MYOF: variants seen among roughly 807,000 people sequenced by gnomAD.
MYOF encodes the protein myoferlin, also known as fer-1-like 3, myoferlin.
Under a neutral mutation model 284.2 loss-of-function variants are expected in MYOF, and 244 were observed. That is an observed-to-expected ratio of 0.86 (90% confidence interval 0.77 to 0.95). The LOEUF is 0.95. MYOF is among the 40% of genes least tolerant of loss of function. The pLI is 0.00. For missense variants in MYOF, 2,496 were observed against 2,560.6 expected (o/e 0.97, Z 0.54); for synonymous variants, 904 against 919.7 (o/e 0.98, Z 0.31).
intron 2 of MYOF, among the ~76,000 whole-genome samples, chr10:93,455,657 A>G (rs1437831391): frequency 6.6e-6 from 1 of 152,208 alleles, no homozygotes; most frequent in Non-Finnish European, 1.5e-5. Context: ...ACCCTATCTC[A>G]AAAACAAACA....
rs551552538 is a variant in MYOF at position 93,365,052 on chromosome 10, A to C, written c.2754-977T>G. ...AACCTTCCTTCCTTCCAGCCAATTC[A>C]AACCCCATTTTCCTTTCCCTCACCA... is the stretch of plus-strand genomic sequence containing the variant. On this transcript the variant is annotated intron_variant, in intron 26 of 53. Transcript: ENST00000359263. 5.3e-5 allele frequency among the ~76,000 whole-genome samples: 8 copies of C among 152,246 alleles called. No individual in the cohort carries two copies. In the South Asian group the frequency reaches 1.7e-3, roughly 32 times the overall value.
chr10:93,348,682 G>A (rs1424033059), intron 36 of MYOF, among the ~76,000 whole-genome samples: 2 of 152,038 alleles, frequency 1.3e-5, no homozygotes, highest in African/African-American at 4.8e-5. Flanking sequence ...ATAGGGAGGG[G>A]AGCATGGGCA....
Position 93,328,923 on chromosome 10 carries a change from A to G in MYOF, c.4983-12T>C, listed in dbSNP as rs750369293. 6.3e-6 allele frequency: 10 copies of G among 1,585,968 alleles called. No individual in the cohort carries two copies. In the Middle Eastern group the frequency reaches 1.1e-3, roughly 174 times the overall value. ...TATTGACTCCAGAACTGTGAATAGC[A>G]TCACGTGGCTCGGAGTTACGGAGGA... On this transcript the variant is annotated splice_polypyrimidine_tract_variant and intron_variant, in intron 44 of 53. Transcript: ENST00000359263.
At chr10:93,419,063 C>G (rs904443206) in intron 5 of MYOF, among the ~76,000 whole-genome samples, 1 of 152,206 alleles carries the variant, frequency 6.6e-6, no homozygotes, top group Admixed American at 6.5e-5. Flanking sequence ...AGCCTGGGAC[C>G]TACTACCCTC....
At position 93,369,441 on chromosome 10, in the gene MYOF, C is replaced by T. The variant is rs563787750; in HGVS notation, c.2589+204G>A. 2.6e-5 allele frequency among the ~76,000 whole-genome samples: 4 copies of T among 152,220 alleles called. No homozygotes were observed. In the South Asian group the frequency reaches 6.2e-4, roughly 24 times the overall value. On this transcript the variant is annotated intron_variant, in intron 25 of 53. Transcript: ENST00000359263. ...AATTATCACACAAAAGTGTTAATCA[C>T]CATGGTGTGTTCCAATGTTGACTAT...
intron 50 of MYOF, 61 bp from the exon 51 acceptor site, chr10:93,313,271 A>T: frequency 6.7e-7 from 1 of 1,489,252 alleles, no homozygotes; most frequent in Non-Finnish European, 9.2e-7. Flanking sequence ...GTTGTTCACA[A>T]GTGAACAGAA....
rs1842900775 is a variant in MYOF at position 93,322,957 on chromosome 10, T to C, written c.5456+121A>G. 9 of 962,516 alleles carry C rather than the reference T, an allele frequency of 9.4e-6. No homozygotes were observed. The Admixed American group carries it at 1.1e-4, about 12-fold the overall frequency. 59.6% of individuals were successfully genotyped at this position (962,516 alleles called of 1,614,324 possible). A position where few individuals can be genotyped will look rare whatever the true frequency, so the allele number is the denominator to read the frequency against. Reference sequence around the variant, plus strand: ...GAGCTACCTAAGTAGATCACATTAATGAGATAAAATAACCTCAAAAAACCA... The same window carrying C: ...GAGCTACCTAAGTAGATCACATTAACGAGATAAAATAACCTCAAAAAACCA... On this transcript the variant is annotated intron_variant, in intron 48 of 53. Transcript: ENST00000359263.
intron 41 of MYOF, among the ~76,000 whole-genome samples, chr10:93,334,306 C>T (rs185420973): frequency 6.6e-6 from 1 of 151,534 alleles, no homozygotes; most frequent in East Asian, 1.9e-4. Flanking sequence ...TGTACTCCAC[C>T]TCCCACTCCC....
At chr10:93,471,514 G>A (rs567047971) in intron 1 of MYOF, among the ~76,000 whole-genome samples, 1 of 152,244 alleles carries the variant, frequency 6.6e-6, no homozygotes, top group South Asian at 2.1e-4. Context: ...GGACCATCTG[G>A]AATCCAGTTA....
chr10:93,321,113 C>T (rs533783572), intron 48 of MYOF, among the ~76,000 whole-genome samples: 15 of 152,206 alleles, frequency 9.9e-5, no homozygotes, highest in Admixed American at 5.9e-4. Flanking sequence ...CCAACAACTG[C>T]GTAACTATCT....
chr10:93,399,379 A>G lies in MYOF; in HGVS notation c.1221+13T>C. ...TATTACTAGCAGCATCTGCATTTAG[A>G]TCATGTACAAACCTTTTTTCCAGCA... is the stretch of plus-strand genomic sequence containing the variant. On this transcript the variant is annotated intron_variant, in intron 13 of 53. Coordinates refer to ENST00000359263, the MANE Select transcript of MYOF (RefSeq NM_013451.4). The G allele has an allele frequency of 6.3e-7, 1 of 1,578,664 alleles. No individual in the cohort carries two copies. Among genetic ancestry groups the G allele is most frequent in the Non-Finnish European group, 8.7e-7 (1 of 1,149,502 alleles).
chr10:93,310,304 A>T lies in MYOF; in HGVS notation c.6000-137T>A, dbSNP rs546449367. On this transcript the variant is annotated intron_variant, in intron 52 of 53. Transcript: ENST00000359263. ...AAATACTGTTCCCCTTCGTTGACTG[A>T]GAAAGGCTCTTTAACCTACGACAGC... 6.7e-6 allele frequency: 8 copies of T among 1,199,058 alleles called. No individual in the cohort carries two copies. The African/African-American group carries it at 7.6e-5, about 11-fold the overall frequency. 74.3% of individuals were successfully genotyped at this position (1,199,058 alleles called of 1,614,324 possible).
At position 93,323,356 on chromosome 10, in the gene MYOF, T is replaced by C. The variant is rs773054300; in HGVS notation, c.5274A>G (p.Gly1758=). ...HSTFQPNISQ[G]KLQMWVDVFP... is the part of the protein sequence containing the mutation. ...AAACATCCACCCACATCTGAAGTTT[T>C]CCCTAAACCATTTGAAAATGAAAAG... Residue 1758 remains glycine (G), a splice_region_variant and synonymous_variant, in exon 47 of 54, where the codon GGA becomes GGG. Transcript: ENST00000359263. 2 of 1,600,714 alleles carry C rather than the reference T, an allele frequency of 1.2e-6. No homozygotes were observed. The highest frequency in any genetic ancestry group is 1.7e-6 in the Non-Finnish European group (2 of 1,170,580).
intron 1 of MYOF, among the ~76,000 whole-genome samples, chr10:93,474,476 C>T (rs1322515529): frequency 6.6e-6 from 1 of 152,196 alleles, no homozygotes; most frequent in Non-Finnish European, 1.5e-5. Context: ...TTCATCTACT[C>T]AGATTGTAAC....
intron 29 of MYOF, 55 bp downstream of exon 29, chr10:93,359,778 T>G (rs900780624): frequency 6.2e-6 from 10 of 1,603,474 alleles, no homozygotes; most frequent in Non-Finnish European, 8.5e-6. Context: ...GCTGGGACTT[T>G]GTAGTCAGGA....
rs372520132 is a variant in MYOF, at chr10:93,306,968, C to T, written c.6181G>A (p.Val2061Met). 24 of 1,612,844 alleles carry T rather than the reference C, an allele frequency of 1.5e-5. No individual in the cohort carries two copies. Among genetic ancestry groups the T allele is most frequent in the Non-Finnish European group, 1.8e-5 (21 of 1,179,398 alleles). Residue 2061 changes from valine to methionine, a missense_variant, in exon 54 of 54, where the codon GTG (valine) becomes ATG (methionine). Val to Met is a conservative substitution (Grantham distance 21). Transcript: ENST00000359263. ...YLSMKIVKPN[V>M] is the part of the protein sequence containing the mutation. ...AAATGAAGCCTTTGCCTTTGTTACACATTTGGCTTTACAATCTTCATTGAC... is the reference window on the plus strand; with the variant it reads ...AAATGAAGCCTTTGCCTTTGTTACATATTTGGCTTTACAATCTTCATTGAC...
intron 1 of MYOF, among the ~76,000 whole-genome samples, chr10:93,461,183 G>A (rs999946383): frequency 6.6e-6 from 1 of 152,244 alleles, no homozygotes; most frequent in African/African-American, 2.4e-5. Flanking sequence ...GCCTGTCAGA[G>A]GGGGAATAAA....
chr10:93,315,386 C>G (rs1285647141), intron 50 of MYOF, among the ~76,000 whole-genome samples: 1 of 152,082 alleles, frequency 6.6e-6, no homozygotes, highest in African/African-American at 2.4e-5. Flanking sequence ...AAACAGATGA[C>G]ATTGCTAGAA....
intron 4 of MYOF, 36 bp downstream of exon 4, chr10:93,431,372 A>G: frequency 1.3e-6 from 2 of 1,579,984 alleles, no homozygotes; most frequent in Non-Finnish European, 1.7e-6. Flanking sequence ...CAATCATCTC[A>G]CTTCAAAGCC....
Sources: gnomAD v4.1 joint callset for allele counts (sites outside exome capture counted in the v4.1 genomes callset) on GRCh38, gnomAD v4.1.1 for gene constraint, MANE v1.5 for transcripts, NCBI Gene and HGNC (gene_info 2026-07-23, HGNC 2026-07-21) for gene names.